The following GADL1 variants were observed in gnomAD, a reference collection of about 807,000 sequenced individuals.
GADL1 encodes GAD like acidic amino acid decarboxylase 1, also known as acidic amino acid decarboxylase GADL1.
Under a neutral mutation model 69.5 loss-of-function variants are expected in GADL1, and 71 were observed. That is an observed-to-expected ratio of 1.02 (90% CI 0.84 to 1.25). The LOEUF (loss-of-function observed/expected upper bound fraction) is 1.25, where lower values mean the gene tolerates loss of function less well. Ranked by LOEUF, GADL1 falls within the 50% of genes most tolerant of loss-of-function variation. The pLI is 0.00. For synonymous variants in GADL1, 254 were observed against 214.4 expected (o/e 1.18, Z -1.62); for missense variants, 737 against 631.8 (o/e 1.17, Z -1.79).
In GADL1 at chr3:30,808,032, G is replaced by T. The variant is rs1016549409; in HGVS notation, c.1051-6944C>A. 2.6e-5 allele frequency among the ~76,000 whole-genome samples: 4 copies of T among 152,120 alleles called. 1 individual carries two copies. Among genetic ancestry groups the T allele is most frequent in the Non-Finnish European group, 2.9e-5 (2 of 67,992 alleles). Reference sequence around the variant, plus strand: ...GGGCAACAGAGAGAGACCCCTTCGGGGGGGAAATAAAAGTGTTTTTCCCAA... The same window carrying T: ...GGGCAACAGAGAGAGACCCCTTCGGTGGGGAAATAAAAGTGTTTTTCCCAA... On this transcript the variant is annotated intron_variant, in intron 11 of 14. Transcript: ENST00000282538.
chr3:30,833,767 C>CCA (rs1339715748), intron 11 of GADL1, 86 bp downstream of exon 11: 1 of 896,646 alleles, frequency 1.1e-6, no homozygotes, highest in East Asian at 2.4e-5. Flanking sequence ...GCCCAAGTCA[C>CCA]CAAGAGATGA....
chr3:30,854,857 C>A, intron 3 of GADL1, 68 bp from the exon 4 acceptor site: 3 of 760,598 alleles, frequency 3.9e-6, no homozygotes, highest in Non-Finnish European at 4.4e-6. Context: ...ACAGCATTAA[C>A]ATAAATGAAT....
chr3:30,730,607 T>G (rs769386108), intron 14 of GADL1, among the ~76,000 whole-genome samples: 6 of 152,114 alleles, frequency 3.9e-5, no homozygotes, highest in South Asian at 2.1e-4. Flanking sequence ...TAAAAAGCAT[T>G]TGGAAATCTT....
intron 14 of GADL1, among the ~76,000 whole-genome samples, chr3:30,729,231 A>C (rs1417309052): frequency 6.6e-6 from 1 of 152,188 alleles, no homozygotes; most frequent in Non-Finnish European, 1.5e-5. Context: ...TCCATTTTCT[A>C]ATCAGTAGTA....
intron 12 of GADL1, among the ~76,000 whole-genome samples, chr3:30,792,230 G>GT: frequency 6.6e-6 from 1 of 152,294 alleles, no homozygotes; most frequent in South Asian, 2.1e-4. Flanking sequence ...TATCAAATAA[G>GT]TTTGAACACT....
At position 30,850,703 on chromosome 3, in the gene GADL1, T is replaced by C. The variant is rs570823173; in HGVS notation, c.535+132A>G. On this transcript the variant is annotated intron_variant, in intron 5 of 14. Coordinates refer to ENST00000282538, the MANE Select transcript of GADL1 (RefSeq NM_207359.3). ...TATCACTCTGGAGAAAGGCATAAGC[T>C]AGATTCTCAGCAAGTAGAATTATTA... 102 of 621,696 alleles carry C rather than the reference T, an allele frequency of 1.6e-4. No individual in the cohort carries two copies. The South Asian group carries it at 2.0e-3, about 12-fold the overall frequency. 38.5% of individuals were successfully genotyped at this position (621,696 alleles called of 1,614,324 possible).
intron 11 of GADL1, among the ~76,000 whole-genome samples, chr3:30,832,770 C>A (rs1456904102): frequency 1.3e-5 from 2 of 151,940 alleles, no homozygotes. Flanking sequence ...AATAGTCATA[C>A]CACAATTTTG....
intron 12 of GADL1, among the ~76,000 whole-genome samples, chr3:30,794,971 T>C (rs1409166130): frequency 6.6e-6 from 1 of 152,166 alleles, no homozygotes; most frequent in Non-Finnish European, 1.5e-5. Context: ...TTGCACAGCT[T>C]TTCCAGTATT....
chr3:30,763,881 TGA>T lies in GADL1; in HGVS notation c.1392+14296_1392+14297del, dbSNP rs372600240. Among the ~76,000 whole-genome samples, 60 of 152,238 alleles carry T rather than the reference TGA, an allele frequency of 3.9e-4. 2 individuals are homozygous for T. In the East Asian group the frequency reaches 0.011, roughly 27 times the overall value. On this transcript the variant is annotated intron_variant, in intron 14 of 14. Coordinates refer to ENST00000282538, the MANE Select transcript of GADL1 (RefSeq NM_207359.3). ...GATATCAGAAAATATCACCTTAAAA[TGA>T]TATAATTTGGTTATCCATATTTGAA...
rs1315267345 is a variant in GADL1 at position 30,891,016 on chromosome 3, A to C, written c.37+3562T>G. On this transcript the variant is annotated intron_variant, in intron 1 of 14. Transcript: ENST00000282538. ...CCAATCTGAACAGGCTGTCGGCTAG[A>C]GTATTTACTTTGCATTCTTCCTTCC... is the stretch of plus-strand genomic sequence containing the variant. Among the ~76,000 whole-genome samples the C allele has an allele frequency of 4.1e-5, 6 of 147,274 alleles. No homozygotes were observed. The East Asian group carries it at 1.0e-3, about 26-fold the overall frequency.
chr3:30,761,251 TTC>T (rs941988703), intron 14 of GADL1, among the ~76,000 whole-genome samples: 6 of 127,218 alleles, frequency 4.7e-5, no homozygotes, highest in African/African-American at 1.4e-4. Context: ...GCAATGAGAA[TTC>T]TGAGTCTCCA....
At chr3:30,853,306 A>G (rs915328249) in intron 4 of GADL1, among the ~76,000 whole-genome samples, 3 of 152,158 alleles carry the variant, frequency 2.0e-5, no homozygotes, top group Non-Finnish European at 2.9e-5. Context: ...TTTCAGATTT[A>G]ATTGGCCTGG....
chr3:30,829,930 C>A (rs1034579566), intron 11 of GADL1, among the ~76,000 whole-genome samples: 1 of 151,804 alleles, frequency 6.6e-6, no homozygotes, highest in Non-Finnish European at 1.5e-5. Context: ...GGAACAGAGT[C>A]TGAGAAACAA....
chr3:30,771,658 C>A (rs1434895899), intron 14 of GADL1, among the ~76,000 whole-genome samples: 2 of 152,150 alleles, frequency 1.3e-5, no homozygotes, highest in Non-Finnish European at 2.9e-5. Context: ...TAAAAAAGAA[C>A]CTCATCTTTG....
intron 14 of GADL1, among the ~76,000 whole-genome samples, chr3:30,757,578 T>C (rs966651426): frequency 1.3e-5 from 2 of 152,194 alleles, no homozygotes; most frequent in East Asian, 1.9e-4. Flanking sequence ...GCCCATGGAT[T>C]AGTGGATTTC....
intron 1 of GADL1, among the ~76,000 whole-genome samples, chr3:30,892,588 C>T (rs1698800188): frequency 6.6e-6 from 1 of 152,198 alleles, no homozygotes. Context: ...AAGCTACAGA[C>T]ATGCTTTGTT....
At chr3:30,729,664 C>T (rs1464653653) in intron 14 of GADL1, among the ~76,000 whole-genome samples, 1 of 152,192 alleles carries the variant, frequency 6.6e-6, no homozygotes, top group Non-Finnish European at 1.5e-5. Context: ...ACACTCAACA[C>T]AATCTTGATC....
At chr3:30,768,178 G>GT (rs1237382490) in intron 14 of GADL1, among the ~76,000 whole-genome samples, 9 of 152,222 alleles carry the variant, frequency 5.9e-5, no homozygotes, top group South Asian at 2.1e-4. Context: ...AGCTGCATGA[G>GT]TTTTTTCAGG....
At chr3:30,753,472 TC>T (rs1695884432) in intron 14 of GADL1, among the ~76,000 whole-genome samples, 1 of 150,826 alleles carries the variant, frequency 6.6e-6, no homozygotes, top group South Asian at 2.1e-4. Flanking sequence ...TCAGGTTTTT[TC>T]AATCCTAAAA....
Sources: gnomAD v4.1 joint callset for allele counts (sites outside exome capture counted in the v4.1 genomes callset) on GRCh38, gnomAD v4.1.1 for gene constraint, MANE v1.5 for transcripts, NCBI Gene and HGNC (gene_info 2026-07-23, HGNC 2026-07-21) for gene names.